PTPRB: variants seen among roughly 807,000 people sequenced by gnomAD.
PTPRB encodes protein tyrosine phosphatase receptor type B, also known as receptor-type tyrosine-protein phosphatase beta.
Under a neutral mutation model 238.1 loss-of-function variants are expected in PTPRB, and 97 were observed. That is an observed-to-expected ratio of 0.41 (90% CI 0.35 to 0.48). PTPRB has a LOEUF of 0.48. PTPRB is among the 20% of genes least tolerant of loss of function. PTPRB has a pLI of 0.30. For synonymous variants in PTPRB, 970 were observed against 995.4 expected (o/e 0.97, Z 0.48); for missense variants, 2,292 against 2,681.9 (o/e 0.85, Z 3.21).
rs1433634032 is a variant in PTPRB at position 70,635,965 on chromosome 12, T to G, written c.157A>C (p.Met53Leu). The change falls in exon 2 of 34, where the codon ATG becomes CTG. Residue 53 changes from methionine to leucine, a missense_variant. Around this residue, in one of 4 missense-constraint regions of PTPRB, gnomAD observed 1,205 missense variants for 1,287.8 expected, o/e 0.94. Coordinates refer to ENST00000334414, the MANE Select transcript of PTPRB (RefSeq NM_001109754.4). ...AGGAGCTTTTCATCCTCAGTCCACA[T>G]CCACTGCTGGTTCTGGATGGTCCTG... Reference protein sequence around the residue: ...CNRTIQNQQWMWTEDEKLLHV... With the variant: ...CNRTIQNQQWLWTEDEKLLHV... 3.1e-6 allele frequency: 5 copies of G among 1,613,612 alleles called. No individual in the cohort carries two copies. In the Admixed American group the frequency reaches 8.3e-5, roughly 27 times the overall value.
chr12:70,596,354 C>CACAA (rs1555234329), intron 4 of PTPRB, 27 bp from the exon 5 acceptor site: 24 of 1,123,264 alleles, frequency 2.1e-5, no homozygotes, highest in Middle Eastern at 3.1e-4. Flanking sequence ...CACACACACA[C>CACAA]AAAAAAAAAA....
chr12:70,635,668 C>T lies in PTPRB; in HGVS notation c.451+3G>A, dbSNP rs774757166. 4 of 1,612,096 alleles carry T rather than the reference C, an allele frequency of 2.5e-6. No homozygotes were observed. The highest frequency in any genetic ancestry group is 3.4e-6 in the Non-Finnish European group (4 of 1,178,750). ...AGGATTTGCTCTGAAAGGAATAGCT[C>T]ACCTTTTTGTAAACAGAGGCTTTCA... is the stretch of plus-strand genomic sequence containing the variant. On this transcript the variant is annotated splice_donor_region_variant and intron_variant, in intron 2 of 33. Coordinates refer to ENST00000334414, the MANE Select transcript of PTPRB (RefSeq NM_001109754.4).
At chr12:70,602,395 T>C (rs1282932692) in intron 4 of PTPRB, among the ~76,000 whole-genome samples, 1 of 152,200 alleles carries the variant, frequency 6.6e-6, no homozygotes, top group Non-Finnish European at 1.5e-5. Context: ...TTCAATATTA[T>C]CTAAAATGCT....
Position 70,594,130 on chromosome 12 carries a change from C to T in PTPRB, c.1516+337G>A, listed in dbSNP as rs141406136. The stretch of plus-strand genomic sequence containing the variant: ...TAGCATGGAGAAAGTAACTCTGGTT[C>T]ACTGTGAGTGATGTCATAAAGACAG... On this transcript the variant is annotated intron_variant, in intron 6 of 33. Coordinates refer to ENST00000334414, the MANE Select transcript of PTPRB (RefSeq NM_001109754.4). Among the ~76,000 whole-genome samples the T allele has an allele frequency of 1.6e-3, 248 of 152,220 alleles. 2 individuals are homozygous for T. Among genetic ancestry groups the T allele is most frequent in the African/African-American group, 5.7e-3 (236 of 41,540 alleles).
chr12:70,581,378 A>C, intron 9 of PTPRB, 76 bp from the exon 10 acceptor site: 1 of 1,420,818 alleles, frequency 7.0e-7, no homozygotes, highest in African/African-American at 1.4e-5. Context: ...GAGTCAAAAA[A>C]TGGAGACAGA....
intron 32 of PTPRB, among the ~76,000 whole-genome samples, chr12:70,528,794 TAA>T (rs1188556920): frequency 1.3e-5 from 2 of 152,168 alleles, no homozygotes; most frequent in African/African-American, 4.8e-5. Context: ...CTGCATCCCT[TAA>T]AAAATATAAG....
Position 70,539,663 on chromosome 12 carries a change from G to A in PTPRB, c.5740C>T (p.Gln1914Ter), listed in dbSNP as rs1465032349. The A allele has an allele frequency of 6.3e-7, 1 of 1,586,638 alleles. No homozygotes were observed. The highest frequency in any genetic ancestry group is 8.6e-7 in the Non-Finnish European group (1 of 1,163,808). The change falls in exon 26 of 34, where the codon CAG (glutamine) becomes TAG (stop). Residue 1914 changes from glutamine to a stop codon, truncating the protein, a stop_gained. Transcript: ENST00000334414. LOFTEE classifies it high-confidence loss of function. ...NQFEGHFMKLQADSNYLLSKE... is the reference protein window; with the variant it reads ...NQFEGHFMKL ...GATAGAAGGTAGTTGGAGTCAGCCT[G>A]TAGCTTCATGAAATGCCCTTCAAAC...
Position 70,609,198 on chromosome 12 carries a change from C to T in PTPRB, c.850G>A (p.Ala284Thr), listed in dbSNP as rs113148393. The change falls in exon 4 of 34, where the codon GCG (alanine) becomes ACG (threonine). Residue 284 changes from alanine (A) to threonine (T), a missense_variant. Around this residue, in one of 4 missense-constraint regions of PTPRB, gnomAD observed 1,205 missense variants for 1,287.8 expected, o/e 0.94. Coordinates refer to ENST00000334414, the MANE Select transcript of PTPRB (RefSeq NM_001109754.4). ...TCTATCCGAAAGGTAGGGCACAACG[C>T]GGCCCCCAGGGTGTCACTGCTATAG... ...LIYSSDTLGA[A>T]LCPTFRIDNT... 54 of 1,614,028 alleles carry T rather than the reference C, an allele frequency of 3.3e-5. No individual in the cohort carries two copies. In the South Asian group the frequency reaches 4.4e-4, roughly 13 times the overall value.
intron 3 of PTPRB, among the ~76,000 whole-genome samples, chr12:70,621,815 A>AC (rs1344685864): frequency 6.6e-6 from 1 of 152,222 alleles, no homozygotes; most frequent in Non-Finnish European, 1.5e-5. Context: ...AAAGAGATGA[A>AC]CACCTGAAGC....
rs140118554 is a variant in PTPRB, at chr12:70,589,455, G to C, written c.2050+509C>G. Among the ~76,000 whole-genome samples the C allele has an allele frequency of 9.9e-3, 1,502 of 152,260 alleles. 17 individuals carry two copies. The highest frequency in any genetic ancestry group is 0.033 in the African/African-American group (1,380 of 41,526). On this transcript the variant is annotated intron_variant, in intron 8 of 33. Transcript: ENST00000334414. Reference sequence around the variant, plus strand: ...TGAGGATACTGAAACATGAGTCTTGGTATTCTTGCTGTCACGATTATATTG... The same window carrying C: ...TGAGGATACTGAAACATGAGTCTTGCTATTCTTGCTGTCACGATTATATTG...
chr12:70,558,181 G>A (rs1484593853), intron 18 of PTPRB, among the ~76,000 whole-genome samples: 2 of 152,110 alleles, frequency 1.3e-5, no homozygotes, highest in African/African-American at 4.8e-5. Context: ...CCCTGGGTTT[G>A]GTAACCAGTG....
intron 9 of PTPRB, among the ~76,000 whole-genome samples, chr12:70,581,764 T>C (rs1227619253): frequency 6.6e-6 from 1 of 151,764 alleles, no homozygotes; most frequent in Non-Finnish European, 1.5e-5. Flanking sequence ...TACTGGCACA[T>C]TCTTAAAGGG....
intron 2 of PTPRB, among the ~76,000 whole-genome samples, chr12:70,625,297 G>A (rs1281777676): frequency 6.6e-6 from 1 of 152,154 alleles, no homozygotes; most frequent in African/African-American, 2.4e-5. Context: ...ATCATATTTG[G>A]AGCTTGTTAG....
At chr12:70,634,165 T>C (rs1885580539) in intron 2 of PTPRB, among the ~76,000 whole-genome samples, 1 of 152,192 alleles carries the variant, frequency 6.6e-6, no homozygotes, top group Non-Finnish European at 1.5e-5. Flanking sequence ...TCAAATGGCA[T>C]CTAGTTAAAT....
rs1046347432 is a variant in PTPRB at position 70,518,635 on chromosome 12, C to T, written c.*2854G>A. On this transcript the variant is annotated 3_prime_UTR_variant, in exon 34 of 34. Coordinates refer to ENST00000334414, the MANE Select transcript of PTPRB (RefSeq NM_001109754.4). ...TTAAGGGATAGAGAATTACTTAGGA[C>T]AAATATGTGCAAGCCCAGGTAAGAG... 4 of 152,016 alleles carry T rather than the reference C, an allele frequency of 2.6e-5. No individual in the cohort carries two copies. The highest frequency in any genetic ancestry group is 9.7e-5 in the African/African-American group (4 of 41,376). 9.4% of individuals were successfully genotyped at this position (152,016 alleles called of 1,614,324 possible).
chr12:70,571,669 T>C (rs536644628), intron 12 of PTPRB, among the ~76,000 whole-genome samples, 155 bp downstream of exon 12: 4 of 152,360 alleles, frequency 2.6e-5, no homozygotes, highest in Admixed American at 6.5e-5. Context: ...TCTGTAATTA[T>C]AGGCCATGGC....
Position 70,538,148 on chromosome 12 carries a change from C to T in PTPRB, c.5946+7G>A. ...TCCTGAACACTATGGCCTAGTGGGT[C>T]ACTTACAGGGATGTAGCTGGCATTG... On this transcript the variant is annotated splice_region_variant and intron_variant, in intron 28 of 33. Coordinates refer to ENST00000334414, the MANE Select transcript of PTPRB (RefSeq NM_001109754.4). 2 of 1,610,772 alleles carry T rather than the reference C, an allele frequency of 1.2e-6. No homozygotes were observed.
At chr12:70,611,066 T>G (rs1884418385) in intron 3 of PTPRB, among the ~76,000 whole-genome samples, 1 of 152,244 alleles carries the variant, frequency 6.6e-6, no homozygotes, top group Non-Finnish European at 1.5e-5. Context: ...ACAAGTTTTA[T>G]AATTTTTTAT....
Position 70,524,273 on chromosome 12 carries a change from ATTT to A in PTPRB, c.6625+195_6625+197del, listed in dbSNP as rs35772909. ...CGGGCATGCACCATGATGTCTGGCT[ATTT>A]TTTTTTTTTTTAGTTTTTTGTAGAG... On this transcript the variant is annotated intron_variant, in intron 33 of 33. Coordinates refer to ENST00000334414, the MANE Select transcript of PTPRB (RefSeq NM_001109754.4). 8.4e-5 allele frequency among the ~76,000 whole-genome samples: 12 copies of A among 142,116 alleles called. No homozygotes were observed. The South Asian group carries it at 1.8e-3, about 21-fold the overall frequency. The allele number at this position is 142,116 out of a possible 152,430, so 93.2% of individuals were successfully genotyped here. A position where few individuals can be genotyped will look rare whatever the true frequency, so the allele number is the denominator to read the frequency against.
Sources: allele counts gnomAD v4.1 joint callset (sites outside exome capture counted in the v4.1 genomes callset), GRCh38; gene constraint gnomAD v4.1.1; regional missense constraint gnomAD v4.1.1; transcripts MANE v1.5; gene names NCBI Gene and HGNC (gene_info 2026-07-23, HGNC 2026-07-21).